The following SASH1 variants were observed in gnomAD, a reference collection of about 807,000 sequenced individuals.
SASH1 encodes SAM and SH3 domain-containing protein 1.
SASH1 carries 44 observed loss-of-function variants against 125.2 expected under a neutral mutation model. The observed-to-expected ratio is 0.35, with a 90% CI of 0.28 to 0.45. The LOEUF is 0.45. Ranked by LOEUF, SASH1 falls within the 20% of genes least tolerant of loss-of-function variation. The pLI, the probability that SASH1 is intolerant of heterozygous loss-of-function variation, is 1.00. For synonymous variants in SASH1, 639 were observed against 649.1 expected (o/e 0.98, Z 0.24); for missense variants, 1,426 against 1,614.5 (o/e 0.88, Z 2.00).
rs1415270617 is a variant in SASH1, at chr6:148,337,071, T to A, written n.75-53063T>A. Among the ~76,000 whole-genome samples the A allele has an allele frequency of 2.0e-5, 3 of 152,258 alleles. No homozygotes were observed. In the East Asian group the frequency reaches 5.8e-4, roughly 29 times the overall value. ...AGTTAAGAACAAGTTTTTGTTTTGT[T>A]TTGTTTGGGACAGAGTCTCGCTCTG... On this transcript the variant is annotated intron_variant and non_coding_transcript_variant, in intron 1 of 3. Coordinates refer to the SASH1 transcript ENST00000367469.
intron 1 of SASH1, among the ~76,000 whole-genome samples, chr6:148,372,751 G>C (rs944404738): frequency 6.6e-5 from 10 of 151,934 alleles, no homozygotes; most frequent in Non-Finnish European, 1.0e-4. Flanking sequence ...TTTATATTGA[G>C]AGCCTGCTAG....
At chr6:148,330,225 G>C (rs1166382664) in intron 1 of SASH1, among the ~76,000 whole-genome samples, 1 of 152,220 alleles carries the variant, frequency 6.6e-6, no homozygotes, top group South Asian at 2.1e-4. Context: ...CCAAAGTATT[G>C]TGCAAGCATA....
chr6:148,543,018 CT>C (rs1425835868), intron 17 of SASH1, among the ~76,000 whole-genome samples: 1 of 152,152 alleles, frequency 6.6e-6, no homozygotes, highest in Non-Finnish European at 1.5e-5. Context: ...TAGATTATGT[CT>C]GGTTGATAGT....
intron 1 of SASH1, among the ~76,000 whole-genome samples, chr6:148,326,395 TTTTC>T (rs1780828509): frequency 9.2e-6 from 1 of 108,568 alleles, no homozygotes; most frequent in African/African-American, 3.3e-5. Flanking sequence ...TTTTCTTTTC[TTTTC>T]TTTTCTTTTC....
chr6:148,412,554 A>G (rs1784670869), intron 2 of SASH1, among the ~76,000 whole-genome samples: 1 of 152,228 alleles, frequency 6.6e-6, no homozygotes, highest in African/African-American at 2.4e-5. Flanking sequence ...CATTGCTATA[A>G]AGGAATACCT....
chr6:148,356,070 G>GTTTTTTTTTTTTTTTTTTTTTCTTT (rs200129121), intron 1 of SASH1, among the ~76,000 whole-genome samples: 1 of 139,798 alleles, frequency 7.2e-6, no homozygotes, highest in Non-Finnish European at 1.5e-5. Flanking sequence ...GTATCATTCT[G>GTTTTTTTTTTTTTTTTTTTTTCTTT]TTTTTTTTTT....
the SASH1 span, among the ~76,000 whole-genome samples, chr6:148,253,233 A>G: frequency 2.0e-5 from 3 of 152,252 alleles, no homozygotes; most frequent in Admixed American, 1.3e-4. Flanking sequence ...TATATAGATC[A>G]GTGGAATCAA....
chr6:148,290,990 C>A (rs1779618490), intron 1 of SASH1, among the ~76,000 whole-genome samples: 1 of 137,750 alleles, frequency 7.3e-6, no homozygotes, highest in South Asian at 2.4e-4. Flanking sequence ...CATTCTTCCA[C>A]TTTATCTTGT....
At chr6:148,467,732 T>A (rs535773354) in intron 4 of SASH1, among the ~76,000 whole-genome samples, 1 of 151,994 alleles carries the variant, frequency 6.6e-6, no homozygotes, top group South Asian at 2.1e-4. Context: ...AGGTCAGGAG[T>A]TCCAGACCAT....
chr6:148,212,310 G>A, the SASH1 span, among the ~76,000 whole-genome samples: 2 of 152,218 alleles, frequency 1.3e-5, no homozygotes, highest in Non-Finnish European at 2.9e-5. Flanking sequence ...GTACAGCCAT[G>A]GGGCAGCACT....
chr6:148,505,469 C>T (rs1413281311), intron 8 of SASH1, among the ~76,000 whole-genome samples: 1 of 151,592 alleles, frequency 6.6e-6, no homozygotes, highest in Non-Finnish European at 1.5e-5. Context: ...GTGCACTATG[C>T]CTGACTAATT....
intron 17 of SASH1, 77 bp from the exon 18 acceptor site, chr6:148,543,603 T>A (rs753007353): frequency 1.2e-5 from 16 of 1,290,818 alleles, no homozygotes; most frequent in Non-Finnish European, 1.7e-5. Context: ...ATTTCAATTA[T>A]GTTAGCACAA....
intron 16 of SASH1, 113 bp downstream of exon 16, chr6:148,535,014 T>C: frequency 1.7e-6 from 2 of 1,154,236 alleles, no homozygotes; most frequent in Non-Finnish European, 2.5e-6. Context: ...TCCTGTTCTT[T>C]CTGTTACAAG....
chr6:148,468,700 T>C, intron 5 of SASH1, 115 bp downstream of exon 5: 1 of 677,238 alleles, frequency 1.5e-6, no homozygotes, highest in Non-Finnish European at 2.5e-6. Flanking sequence ...ATAAACACTG[T>C]TAAGATTTTG....
the SASH1 span, among the ~76,000 whole-genome samples, chr6:148,233,287 C>T: frequency 6.6e-6 from 1 of 151,896 alleles, no homozygotes; most frequent in East Asian, 1.9e-4. Context: ...CTGTCTGACA[C>T]CGAAGTTCAT....
At chr6:148,536,837 T>C (rs1166719860) in intron 16 of SASH1, among the ~76,000 whole-genome samples, 3 of 152,208 alleles carry the variant, frequency 2.0e-5, no homozygotes, top group East Asian at 1.9e-4. Flanking sequence ...AGGGTATCGC[T>C]ATCCATCAGG....
chr6:148,542,166 T>C (rs918219966), intron 17 of SASH1, among the ~76,000 whole-genome samples: 7 of 152,226 alleles, frequency 4.6e-5, no homozygotes, highest in East Asian at 1.9e-4. Context: ...TAGCGAACCA[T>C]ACTTTGAACT....
intron 1 of SASH1, among the ~76,000 whole-genome samples, chr6:148,386,895 G>A (rs1006278882): frequency 6.6e-6 from 1 of 152,110 alleles, no homozygotes. Flanking sequence ...GAACAGGGAT[G>A]GTGAGCACTT....
the SASH1 span, among the ~76,000 whole-genome samples, chr6:148,206,158 T>G: frequency 6.6e-6 from 1 of 152,136 alleles, no homozygotes; most frequent in Non-Finnish European, 1.5e-5. Context: ...ATTAATACAT[T>G]TTCATGGGCC....
Sources: gnomAD v4.1 joint callset for allele counts (sites outside exome capture counted in the v4.1 genomes callset) on GRCh38, gnomAD v4.1.1 for gene constraint, MANE v1.5 for transcripts, NCBI Gene and HGNC (gene_info 2026-07-23, HGNC 2026-07-21) for gene names.